ANTXR2: variants seen among roughly 807,000 people sequenced by gnomAD.
ANTXR2 encodes ANTXR cell adhesion molecule 2.
Under a neutral mutation model 73.7 loss-of-function variants are expected in ANTXR2, and 44 were observed. The ratio of observed to expected loss-of-function variants is 0.60; its 90% CI spans 0.47 to 0.77. The LOEUF (loss-of-function observed/expected upper bound fraction) is 0.77. Among genes scored for constraint, ANTXR2 ranks in the 30% least tolerant of loss-of-function variants. The pLI, the probability that ANTXR2 is intolerant of heterozygous loss-of-function variation, is 0.00. For synonymous variants in ANTXR2, 217 were observed against 205.9 expected, an observed-to-expected ratio of 1.05 and a Z score of -0.46; for missense variants, 604 against 592.5, an observed-to-expected ratio of 1.02 and a Z score of -0.20.
At chr4:79,945,316 C>A (rs1167308013) in intron 16 of ANTXR2, among the ~76,000 whole-genome samples, 1 of 151,986 alleles carries the variant, frequency 6.6e-6, no homozygotes, top group Non-Finnish European at 1.5e-5. Context: ...ATAATCTTAT[C>A]CTTTAAAATT....
At chr4:79,981,720 G>GTAA (rs2110016827) in intron 14 of ANTXR2, among the ~76,000 whole-genome samples, 1 of 152,144 alleles carries the variant, frequency 6.6e-6, no homozygotes, top group Non-Finnish European at 1.5e-5. Context: ...TTTCCCCTTT[G>GTAA]TAACATCCAC....
At chr4:80,009,614 C>T (rs1057331340) in intron 11 of ANTXR2, among the ~76,000 whole-genome samples, 18 of 151,984 alleles carry the variant, frequency 1.2e-4, no homozygotes, top group African/African-American at 4.1e-4. Flanking sequence ...CTTTGGGAGG[C>T]CGAGGCAGGT....
At chr4:80,062,544 C>T (rs1012320222) in intron 3 of ANTXR2, among the ~76,000 whole-genome samples, 1 of 152,170 alleles carries the variant, frequency 6.6e-6, no homozygotes, top group African/African-American at 2.4e-5. Context: ...CCTGCCTGGA[C>T]CCCTCAGGTT....
chr4:79,963,384 T>C (rs1729221566), intron 16 of ANTXR2, among the ~76,000 whole-genome samples: 1 of 152,156 alleles, frequency 6.6e-6, no homozygotes, highest in South Asian at 2.1e-4. Context: ...TTGCTGTAGA[T>C]TTAAAAAATT....
chr4:79,977,728 C>A, intron 15 of ANTXR2, 27 bp from the exon 16 acceptor site: 2 of 1,547,880 alleles, frequency 1.3e-6, no homozygotes, highest in Non-Finnish European at 1.8e-6. Context: ...TTTGTGAATT[C>A]CCAGAGAATG....
chr4:80,009,263 G>T (rs6534702), intron 11 of ANTXR2, among the ~76,000 whole-genome samples: 115,122 of 151,938 alleles, frequency 0.76, 43,860 homozygotes, highest in East Asian at 0.94. Flanking sequence ...TACTCTGGGC[G>T]CTGTTCTTAA....
chr4:79,989,605 G>C (rs1009335301), intron 12 of ANTXR2, among the ~76,000 whole-genome samples: 23 of 152,018 alleles, frequency 1.5e-4, no homozygotes, highest in African/African-American at 5.6e-4. Flanking sequence ...AAGTTGAGGA[G>C]AAGGGACACC....
At chr4:79,985,630 A>G (rs1041126707) in intron 12 of ANTXR2, among the ~76,000 whole-genome samples, 2 of 152,090 alleles carry the variant, frequency 1.3e-5, no homozygotes, top group African/African-American at 4.8e-5. Context: ...AGAAAAGTCC[A>G]TCTTGGACAC....
rs71612990 is a variant in ANTXR2, at chr4:79,962,018, T to A, written c.1428+15603A>T. 6.3e-3 allele frequency among the ~76,000 whole-genome samples: 966 copies of A among 152,154 alleles called. 8 individuals are homozygous for A. Among genetic ancestry groups the A allele is most frequent in the Non-Finnish European group, 0.011 (758 of 67,968 alleles). On this transcript the variant is annotated intron_variant, in intron 16 of 16. Transcript: ENST00000403729. Reference sequence around the variant, plus strand: ...TGTTTATAGATTCTTTGAAAAAAAATATATTTTTTGGTAATTTAAATGATT... The same window carrying A: ...TGTTTATAGATTCTTTGAAAAAAAAAATATTTTTTGGTAATTTAAATGATT...
chr4:80,041,141 A>C (rs1413926618), intron 7 of ANTXR2, among the ~76,000 whole-genome samples: 1 of 152,048 alleles, frequency 6.6e-6, no homozygotes, highest in Admixed American at 6.6e-5. Flanking sequence ...TTGATGAGGA[A>C]ACTGGGGCTT....
intron 3 of ANTXR2, among the ~76,000 whole-genome samples, chr4:80,058,027 G>T (rs1051092111): frequency 1.3e-5 from 2 of 152,022 alleles, no homozygotes; most frequent in Non-Finnish European, 2.9e-5. Flanking sequence ...GCAGATAAAA[G>T]TCAAATATTT....
intron 8 of ANTXR2, among the ~76,000 whole-genome samples, chr4:80,033,882 C>T (rs988257012): frequency 6.6e-6 from 1 of 152,002 alleles, no homozygotes; most frequent in Non-Finnish European, 1.5e-5. Context: ...AGATACTATA[C>T]AAACCTCCTC....
At chr4:79,915,833 T>TCC (rs1727325789) in intron 16 of ANTXR2, among the ~76,000 whole-genome samples, 1 of 54,492 alleles carries the variant, frequency 1.8e-5, no homozygotes. Flanking sequence ...TCTCTCCCTC[T>TCC]CTCTCTCTCT....
Position 79,932,710 on chromosome 4 carries a change from T to C in ANTXR2, c.1429-25243A>G, listed in dbSNP as rs1308378178. Among the ~76,000 whole-genome samples the C allele has an allele frequency of 2.0e-5, 3 of 146,446 alleles. No homozygotes were observed. In the South Asian group the frequency reaches 6.4e-4, roughly 31 times the overall value. The stretch of plus-strand genomic sequence containing the variant: ...GGAAGGCTGAGGCAGGAGAATCGCT[T>C]GAACCTGGGAAGTAGAGGTTGCAGT... On this transcript the variant is annotated intron_variant, in intron 16 of 16. Transcript: ENST00000403729.
intron 7 of ANTXR2, among the ~76,000 whole-genome samples, chr4:80,039,364 G>C (rs1733127720): frequency 6.6e-6 from 1 of 152,058 alleles, no homozygotes; most frequent in Admixed American, 6.6e-5. Context: ...TTTGATGTCT[G>C]AATGCAAATA....
chr4:80,061,402 A>G (rs1734247763), intron 3 of ANTXR2, among the ~76,000 whole-genome samples: 1 of 152,016 alleles, frequency 6.6e-6, no homozygotes, highest in African/African-American at 2.4e-5. Context: ...AATTTATATA[A>G]TTGCAGGAAT....
At chr4:79,926,870 T>TACACGTGTGTGC (rs1727800346) in intron 16 of ANTXR2, among the ~76,000 whole-genome samples, 2 of 151,990 alleles carry the variant, frequency 1.3e-5, no homozygotes, top group Non-Finnish European at 2.9e-5. Context: ...TTGTGGCATA[T>TACACGTGTGTGC]ATATGTGTGT....
At chr4:79,928,966 C>G (rs1170912515) in intron 16 of ANTXR2, among the ~76,000 whole-genome samples, 1 of 152,148 alleles carries the variant, frequency 6.6e-6, no homozygotes, top group Non-Finnish European at 1.5e-5. Context: ...GAATGGTTAA[C>G]AGAGTCCAAC....
At chr4:80,058,222 C>G (rs903243114) in intron 3 of ANTXR2, among the ~76,000 whole-genome samples, 1 of 152,030 alleles carries the variant, frequency 6.6e-6, no homozygotes, top group Non-Finnish European at 1.5e-5. Flanking sequence ...AAAGGAACTT[C>G]CCAAACGTGG....
Sources: allele counts gnomAD v4.1 joint callset (sites outside exome capture counted in the v4.1 genomes callset), GRCh38; gene constraint gnomAD v4.1.1; transcripts MANE v1.5; gene names NCBI Gene and HGNC (gene_info 2026-07-23, HGNC 2026-07-21).